CLIP1: variants seen among roughly 807,000 people sequenced by gnomAD.
CLIP1 encodes CAP-Gly domain containing linker protein 1.
A neutral mutation model predicts 161.6 loss-of-function variants in CLIP1; 66 were observed. The ratio of observed to expected loss-of-function variants is 0.41; its 90% CI spans 0.33 to 0.50. CLIP1 has a LOEUF of 0.50. CLIP1 is among the 20% of genes least tolerant of loss of function. The pLI, the probability that CLIP1 is intolerant of heterozygous loss-of-function variation, is 0.27. For missense variants in CLIP1, 1,376 were observed against 1,702.0 expected (o/e 0.81, Z 3.37); for synonymous variants, 598 against 626.2 (o/e 0.96, Z 0.67).
rs759562298 is a variant in CLIP1 at position 122,355,165 on chromosome 12, C to G, written c.1153G>C (p.Val385Leu). Residue 385 changes from valine (V) to leucine (L), a missense_variant, in exon 6 of 26, where the codon GTG becomes CTG. Val to Leu is a conservative substitution (Grantham distance 32, BLOSUM62 1). Around this residue, in one of 6 missense-constraint regions of CLIP1, gnomAD observed 211 missense variants for 295.1 expected, o/e 0.72. Coordinates refer to ENST00000620786, the MANE Select transcript of CLIP1 (RefSeq NM_001247997.2). The surrounding 1 kb of genome is among the most constrained non-coding windows in gnomAD (Gnocchi z 4.1). ...RAEVAKATSH[V>L]GEIEQELALA... ...GCTAGCTCCTGCTCTATCTCCCCCA[C>G]GTGGCTCGTGGCCTTGGCCACCTCC... 1 of 1,614,234 alleles carries G rather than the reference C, an allele frequency of 6.2e-7. No individual in the cohort carries two copies.
At chr12:122,357,621 C>T (rs1304894525) in intron 5 of CLIP1, among the ~76,000 whole-genome samples, 5 of 147,684 alleles carry the variant, frequency 3.4e-5, no homozygotes, top group Admixed American at 6.6e-5. Context: ...CGCCTCTGCC[C>T]GGCCACCCCT....
chr12:122,304,779 A>G (rs959985401), intron 20 of CLIP1, among the ~76,000 whole-genome samples: 3 of 152,232 alleles, frequency 2.0e-5, no homozygotes, highest in African/African-American at 7.2e-5. Flanking sequence ...AGGGAGACAG[A>G]GTCTGTGATC....
At position 122,361,854 on chromosome 12, in the gene CLIP1, G is replaced by C. The variant is rs547615228; in HGVS notation, c.783-673C>G. On this transcript the variant is annotated intron_variant, in intron 4 of 25. Coordinates refer to ENST00000620786, the MANE Select transcript of CLIP1 (RefSeq NM_001247997.2). Reference sequence around the variant, plus strand: ...CAAAACAAACAAATAAAAAACTCAAGTGATGGGCGCACCAAAATCTCAGAT... The same window carrying C: ...CAAAACAAACAAATAAAAAACTCAACTGATGGGCGCACCAAAATCTCAGAT... 2.7e-5 allele frequency among the ~76,000 whole-genome samples: 4 copies of C among 150,890 alleles called. No individual in the cohort carries two copies. The East Asian group carries it at 7.7e-4, about 29-fold the overall frequency.
At position 122,384,174 on chromosome 12, in the gene CLIP1, TCAGTGGCACAGATGCGAACA is replaced by T. The variant is rs1593212935; in HGVS notation, c.-106-3636_-106-3617del. Among the ~76,000 whole-genome samples, 4 of 152,216 alleles carry T rather than the reference TCAGTGGCACAGATGCGAACA, an allele frequency of 2.6e-5. No individual in the cohort carries two copies. In the East Asian group the frequency reaches 7.7e-4, roughly 29 times the overall value. ...CACCTGTCTCCTAAGGTCATTCTGC[TCAGTGGCACAGATGCGAACA>T]CAGGTATTGTGATTCCAAAGTTCAT... On this transcript the variant is annotated intron_variant, in intron 1 of 25. Transcript: ENST00000620786.
Position 122,328,112 on chromosome 12 carries a change from C to G in CLIP1, c.3084G>C (p.Arg1028Ser), listed in dbSNP as rs765546468. Residue 1028 changes from arginine (R) to serine (S), a missense_variant, in exon 17 of 26, where the codon AGG (arginine) becomes AGC (serine). Coordinates refer to ENST00000620786, the MANE Select transcript of CLIP1 (RefSeq NM_001247997.2). ...TTGTCTCAGAAGTGGCTCTCTCATA[C>G]CTGGCTTTCAGCTCCTGACACTGGT... ...SHNQCQELKA[R>S]YERATSETKT... 10 of 1,614,040 alleles carry G rather than the reference C, an allele frequency of 6.2e-6. No homozygotes were observed. The East Asian group carries it at 2.2e-4, about 36-fold the overall frequency.
At chr12:122,404,896 T>C (rs1956269717) in intron 1 of CLIP1, among the ~76,000 whole-genome samples, 1 of 139,040 alleles carries the variant, frequency 7.2e-6, no homozygotes, top group African/African-American at 2.7e-5. Context: ...CGAGACTCCA[T>C]CTCAAAAAAA....
At chr12:122,354,195 G>C (rs1953206369) in intron 7 of CLIP1, among the ~76,000 whole-genome samples, 2 of 151,910 alleles carry the variant, frequency 1.3e-5, no homozygotes, top group Admixed American at 1.3e-4. Context: ...AGGAGTTCGA[G>C]ACCAGCCTAG....
chr12:122,333,228 T>G lies in CLIP1; in HGVS notation c.2711-85A>C. 2 of 973,096 alleles carry G rather than the reference T, an allele frequency of 2.1e-6. 1 individual carries two copies. Among genetic ancestry groups the G allele is most frequent in the South Asian group, 3.2e-5 (2 of 62,288 alleles). The allele number at this position is 973,096 out of a possible 1,614,324, so 60.3% of individuals were successfully genotyped here. A position where few individuals can be genotyped will look rare whatever the true frequency, so the allele number is the denominator to read the frequency against. On this transcript the variant is annotated intron_variant, in intron 14 of 25. Transcript: ENST00000620786. Reference sequence around the variant, plus strand: ...AGTGTATTCTTGCTCTGGTAATATTTTCACACAGCAATTCTTGTCCTCATA... The same window carrying G: ...AGTGTATTCTTGCTCTGGTAATATTGTCACACAGCAATTCTTGTCCTCATA...
intron 19 of CLIP1, among the ~76,000 whole-genome samples, chr12:122,314,392 A>G (rs1951184242): frequency 6.6e-6 from 1 of 152,080 alleles, no homozygotes; most frequent in African/African-American, 2.4e-5. Flanking sequence ...AACTGCTTGA[A>G]CCCAGGAGGC....
chr12:122,384,570 T>C (rs2136884626), intron 1 of CLIP1, among the ~76,000 whole-genome samples: 1 of 152,094 alleles, frequency 6.6e-6, no homozygotes, highest in East Asian at 1.9e-4. Context: ...GAAACCAGCC[T>C]GGCCAACATG....
At chr12:122,334,562 G>GT in intron 13 of CLIP1, 86 bp downstream of exon 13, 1 of 885,870 alleles carries the variant, frequency 1.1e-6, no homozygotes, top group Non-Finnish European at 1.8e-6. Flanking sequence ...TACGAGCAGT[G>GT]TAACTCTGTG....
intron 10 of CLIP1, 100 bp downstream of exon 10, chr12:122,347,275 A>G: frequency 1.2e-6 from 1 of 811,702 alleles, no homozygotes; most frequent in Non-Finnish European, 2.1e-6. Flanking sequence ...CTCAGGTTGA[A>G]CCACTGGGTC....
chr12:122,354,318 CT>C, intron 7 of CLIP1, 134 bp downstream of exon 7: 1 of 557,116 alleles, frequency 1.8e-6, no homozygotes, highest in Non-Finnish European at 3.2e-6. Flanking sequence ...TTGCTTGAAC[CT>C]GGGAGGCAGA....
At chr12:122,358,775 C>G (rs1440252496) in intron 5 of CLIP1, among the ~76,000 whole-genome samples, 2 of 150,620 alleles carry the variant, frequency 1.3e-5, no homozygotes, top group Non-Finnish European at 2.9e-5. Context: ...ATGAATTGGC[C>G]AGGTGTGGTG....
intron 20 of CLIP1, among the ~76,000 whole-genome samples, chr12:122,297,170 C>T (rs1950506322): frequency 6.6e-6 from 1 of 152,102 alleles, no homozygotes; most frequent in Admixed American, 6.6e-5. Context: ...TCTCCAAGAG[C>T]TCATGTATGC....
intron 17 of CLIP1, among the ~76,000 whole-genome samples, chr12:122,321,575 A>C (rs1436964261): frequency 6.6e-6 from 1 of 151,916 alleles, no homozygotes; most frequent in African/African-American, 2.4e-5. Context: ...CTGGAGTGCA[A>C]TGGCATGATC....
At chr12:122,275,413 C>A (rs1324961262) in intron 24 of CLIP1, 1 of 151,864 alleles carries the variant, frequency 6.6e-6, no homozygotes, top group Non-Finnish European at 1.5e-5. Flanking sequence ...GAGTTCAAGA[C>A]CAACCTGGCC....
chr12:122,314,468 GAAACAAAC>G (rs1951187083), intron 19 of CLIP1, among the ~76,000 whole-genome samples: 1 of 152,174 alleles, frequency 6.6e-6, no homozygotes, highest in African/African-American at 2.4e-5. Context: ...CTCTGTCTCA[GAAACAAAC>G]AAACAAATAA....
At chr12:122,419,828 C>G (rs1033978353) in intron 1 of CLIP1, among the ~76,000 whole-genome samples, 4 of 144,534 alleles carry the variant, frequency 2.8e-5, no homozygotes, top group African/African-American at 1.0e-4. Flanking sequence ...CCCAGCTACT[C>G]GGGAGGCTGA....
Sources: allele counts gnomAD v4.1 joint callset (sites outside exome capture counted in the v4.1 genomes callset), GRCh38; gene constraint gnomAD v4.1.1; regional missense constraint gnomAD v4.1.1; non-coding constraint Gnocchi (gnomAD v3.1); transcripts MANE v1.5; gene names NCBI Gene and HGNC (gene_info 2026-07-23, HGNC 2026-07-21).